Variants in ATP7B observed in about 807,000 individuals in gnomAD.
ATP7B encodes copper-transporting ATPase 2.
Under a neutral mutation model 118.9 loss-of-function variants are expected in ATP7B, and 113 were observed. That is an observed-to-expected ratio of 0.95 (90% CI 0.82 to 1.11). ATP7B has a LOEUF of 1.11. Among genes scored for constraint, ATP7B ranks in the 50% most tolerant of loss-of-function variants. The pLI is 0.00. For missense variants in ATP7B, 1,867 were observed against 1,871.4 expected, an observed-to-expected ratio of 1.00 and a Z score of 0.04; for synonymous variants, 777 against 727.4, an observed-to-expected ratio of 1.07 and a Z score of -1.10.
At chr13:51,996,667 C>T (rs1055739135) in intron 1 of ATP7B, among the ~76,000 whole-genome samples, 2 of 152,168 alleles carry the variant, frequency 1.3e-5, no homozygotes, top group Non-Finnish European at 2.9e-5. Context: ...GACGCTTCCT[C>T]CCCCATTAAC....
rs1956874443 is a variant in ATP7B, at chr13:51,935,013, G to C, written c.4141C>G (p.Leu1381Val). Reference sequence around the variant, plus strand: ...TGCGCCTGTGCCTCATACCTCTCCAGGTCAGGCTTCTTATAGCTGGAAAGC... The same window carrying C: ...TGCGCCTGTGCCTCATACCTCTCCACGTCAGGCTTCTTATAGCTGGAAAGC... ...LQLKCYKKPD[L>V]ERYEAQAHGH... Residue 1381 changes from leucine (L) to valine (V), a missense_variant, in exon 21 of 21, where the codon CTG (leucine) becomes GTG (valine). Physicochemically the swap from Leu to Val is conservative, Grantham distance 32 (BLOSUM62 1). Transcript: ENST00000242839. The C allele has an allele frequency of 6.2e-7, 1 of 1,614,008 alleles. No individual in the cohort carries two copies. The highest frequency in any genetic ancestry group is 8.5e-7 in the Non-Finnish European group (1 of 1,180,028).
intron 16 of ATP7B, 86 bp from the exon 17 acceptor site, chr13:51,939,279 A>G: frequency 6.3e-7 from 1 of 1,580,054 alleles, no homozygotes; most frequent in Non-Finnish European, 8.6e-7. Flanking sequence ...CTCATCATAT[A>G]ATATTATGTG....
intron 17 of ATP7B, among the ~76,000 whole-genome samples, chr13:51,938,356 C>T (rs61957447): frequency 0.043 from 6,489 of 152,340 alleles, 214 homozygotes; most frequent in South Asian, 0.11. Flanking sequence ...TGGCCCCACA[C>T]CTGCCTGTCA....
chr13:51,937,566 G>GTCATT lies in ATP7B; in HGVS notation c.3808_3812dup (p.Asp1271GlufsTer61), dbSNP rs1957045300. On this transcript the variant is annotated frameshift_variant, in exon 18 of 21. Coordinates refer to ENST00000242839, the MANE Select transcript of ATP7B (RefSeq NM_000053.4). LOFTEE classifies it high-confidence loss of function. ...TGTCTGCCTGGGCCAAGGCCGGGGAGTCATTGACCCCATCCCCCACCATGG... is the reference window on the plus strand; with the variant it reads ...TGTCTGCCTGGGCCAAGGCCGGGGAGTCATTTCATTGACCCCATCCCCCACCATGG... 6.2e-7 allele frequency: 1 copy of GTCATT among 1,614,146 alleles called. No homozygotes were observed. The highest frequency in any genetic ancestry group is 1.1e-5 in the South Asian group (1 of 91,092).
chr13:52,010,081 A>C (rs755902504), intron 1 of ATP7B, among the ~76,000 whole-genome samples: 3 of 152,154 alleles, frequency 2.0e-5, no homozygotes, highest in Non-Finnish European at 4.4e-5. Flanking sequence ...ATTTGGAAGG[A>C]TAATGATTTC....
Position 51,961,849 on chromosome 13 carries a change from A to G in ATP7B, c.1934T>C (p.Met645Thr). The G allele has an allele frequency of 6.2e-7, 1 of 1,613,818 alleles. No homozygotes were observed. The highest frequency in any genetic ancestry group is 8.5e-7 in the Non-Finnish European group (1 of 1,179,788). ...NPNAHHLDHK[M>T]EIKQWKKSFL... The stretch of plus-strand genomic sequence containing the variant: ...GTGTTCTACCTACTGCTTTATTTCC[A>G]TCTTGTGGTCCAAGTGATGAGCGTT... The change falls in exon 6 of 21, where the codon ATG becomes ACG. Residue 645 changes from methionine to threonine, a missense_variant. By Grantham distance (81) the Met-to-Thr change is moderately conservative. Transcript: ENST00000242839.
rs188125684 is a variant in ATP7B at position 51,948,897 on chromosome 13, C to A, written c.2865+765G>T. ...TTTAACTATTATAAAAAGCTATTCA[C>A]GCCTGGGTGCAGTGGCTCACACCTG... On this transcript the variant is annotated intron_variant, in intron 12 of 20. Coordinates refer to ENST00000242839, the MANE Select transcript of ATP7B (RefSeq NM_000053.4). Among the ~76,000 whole-genome samples the A allele has an allele frequency of 9.5e-4, 144 of 152,256 alleles. 2 individuals carry two copies. Among genetic ancestry groups the A allele is most frequent in the Admixed American group, 7.7e-3 (117 of 15,286 alleles).
chr13:52,008,697 G>A (rs539768578), intron 1 of ATP7B, among the ~76,000 whole-genome samples: 4 of 152,228 alleles, frequency 2.6e-5, no homozygotes, highest in South Asian at 2.1e-4. Context: ...CATGACTGCC[G>A]TAGGACTCTC....
In ATP7B at chr13:51,944,086, G is replaced by C. The variant is rs550871095; in HGVS notation, c.3243+23C>G. On this transcript the variant is annotated intron_variant, in intron 14 of 20. Coordinates refer to ENST00000242839, the MANE Select transcript of ATP7B (RefSeq NM_000053.4). ...TAAAAGAGCATTGGCGGGGAGGGCAGGGCCACGCCCAAGTCCACGTACCTC... is the reference window on the plus strand; with the variant it reads ...TAAAAGAGCATTGGCGGGGAGGGCACGGCCACGCCCAAGTCCACGTACCTC... The C allele has an allele frequency of 1.6e-5, 26 of 1,613,832 alleles. No individual in the cohort carries two copies. In the African/African-American group the frequency reaches 3.3e-4, roughly 21 times the overall value.
rs1957881909 is a variant in ATP7B at position 51,949,793 on chromosome 13, G to C, written c.2734C>G (p.Pro912Ala). ...LVEEAQMSKA[P>A]IQQLADRFSG... ...AACCGGTCAGCCAGCTGCTGAATGG[G>C]TGCCTATGAAAATAAAACACCAAGA... Residue 912 changes from proline (P) to alanine (A), a missense_variant, in exon 12 of 21, where the codon CCC becomes GCC. Coordinates refer to ENST00000242839, the MANE Select transcript of ATP7B (RefSeq NM_000053.4). The C allele has an allele frequency of 6.2e-7, 1 of 1,613,790 alleles. No individual in the cohort carries two copies. The highest frequency in any genetic ancestry group is 8.5e-7 in the Non-Finnish European group (1 of 1,180,038).
Position 52,011,307 on chromosome 13 carries a change from T to C in ATP7B, c.31A>G (p.Arg11Gly), listed in dbSNP as rs936715711. Residue 11 changes from arginine (R) to glycine (G), a missense_variant, in exon 1 of 21, where the codon AGA (arginine) becomes GGA (glycine). Coordinates refer to ENST00000242839, the MANE Select transcript of ATP7B (RefSeq NM_000053.4). Reference protein sequence around the residue: MPEQERQITAREGASRKILSK... With the variant: MPEQERQITAGEGASRKILSK... ...CTCACTTTCCGACTGGCCCCTTCTCTGGCTGTGATCTGTCTCTCCTGCTCA... is the reference window on the plus strand; with the variant it reads ...CTCACTTTCCGACTGGCCCCTTCTCCGGCTGTGATCTGTCTCTCCTGCTCA... The C allele has an allele frequency of 6.2e-7, 1 of 1,614,216 alleles. No homozygotes were observed. The highest frequency in any genetic ancestry group is 1.1e-5 in the South Asian group (1 of 91,084).
chr13:51,974,665 G>C lies in ATP7B; in HGVS notation c.555C>G (p.Ile185Met), dbSNP rs1269310289. 2 of 1,611,174 alleles carry C rather than the reference G, an allele frequency of 1.2e-6. No homozygotes were observed. Among genetic ancestry groups the C allele is most frequent in the Non-Finnish European group, 8.5e-7 (1 of 1,177,682 alleles). ...GCTGAATGAGATAAGGCTGATAAGT[G>C]ATGACGGCCTCTTGGTTGCTGAGTG... ...KVSLSNQEAV[I>M]TYQPYLIQPE... The change falls in exon 2 of 21, where the codon ATC (isoleucine) becomes ATG (methionine). Residue 185 changes from isoleucine to methionine, a missense_variant. Physicochemically the swap from Ile to Met is conservative, Grantham distance 10. Transcript: ENST00000242839.
Position 51,934,640 on chromosome 13 carries a change from G to A in ATP7B, c.*116C>T. 2 of 1,495,020 alleles carry A rather than the reference G, an allele frequency of 1.3e-6. No individual in the cohort carries two copies. The allele number at this position is 1,495,020 out of a possible 1,614,324, so 92.6% of individuals were successfully genotyped here. A position where few individuals can be genotyped will look rare whatever the true frequency, so the allele number is the denominator to read the frequency against. On this transcript the variant is annotated 3_prime_UTR_variant, in exon 21 of 21. Transcript: ENST00000242839. ...AGGGCAGGATGACTGGACATATCCA[G>A]GGAGCGGAAGTCCCCAAAGCTGGAG...
Position 51,974,525 on chromosome 13 carries a change from G to A in ATP7B, c.695C>T (p.Pro232Leu), listed in dbSNP as rs777932681. 1.2e-5 allele frequency: 19 copies of A among 1,614,044 alleles called. No homozygotes were observed. In the East Asian group the frequency reaches 4.0e-4, roughly 34 times the overall value. ...IDIERLQSTN[P>L]KRPLSSANQN... is the part of the protein sequence containing the mutation. ...GTTAGCAGAAGATAAAGGTCTCTTT[G>A]GGTTAGTGCTTTGTAACCGCTCAAT... Residue 232 changes from proline to leucine, a missense_variant, in exon 2 of 21, where the codon CCA (proline) becomes CTA (leucine). Transcript: ENST00000242839.
intron 15 of ATP7B, among the ~76,000 whole-genome samples, chr13:51,942,103 T>C (rs186012830): frequency 7.6e-4 from 116 of 152,318 alleles, no homozygotes; most frequent in Non-Finnish European, 1.3e-4. Context: ...GTCTACTCTG[T>C]AGCTTATGAG....
At chr13:51,947,783 T>C (rs1440973978) in intron 12 of ATP7B, 2 of 152,242 alleles carry the variant, frequency 1.3e-5, no homozygotes, top group Non-Finnish European at 2.9e-5. Context: ...GAAGTTACCA[T>C]GAGCCCTTCT....
intron 1 of ATP7B, among the ~76,000 whole-genome samples, chr13:51,994,117 C>T (rs4943053): frequency 0.019 from 2,904 of 152,218 alleles, 83 homozygotes; most frequent in Admixed American, 0.083. Flanking sequence ...AAACACATGG[C>T]TAAAAGTATA....
rs201061621 is a variant in ATP7B, at chr13:51,946,423, G to A, written c.2921C>T (p.Thr974Met). 3.7e-4 allele frequency: 599 copies of A among 1,614,092 alleles called. No individual in the cohort carries two copies. The highest frequency in any genetic ancestry group is 4.6e-4 in the Non-Finnish European group (548 of 1,180,054). ...TEVIIRFAFQ[T>M]SITVLCIACP... The stretch of plus-strand genomic sequence containing the variant: ...GGCAATGCACAGCACCGTGATGGAC[G>A]TCTGGAAAGCAAACCGGATGATCAC... Residue 974 changes from threonine to methionine, a missense_variant, in exon 13 of 21, where the codon ACG (threonine) becomes ATG (methionine). Physicochemically the swap from Thr to Met is moderately conservative, Grantham distance 81. Coordinates refer to ENST00000242839, the MANE Select transcript of ATP7B (RefSeq NM_000053.4).
Position 51,939,154 on chromosome 13 carries a change from T to C in ATP7B, c.3596A>G (p.Lys1199Arg). The part of the protein sequence containing the change: ...CGMIAIADAV[K>R]QEAALAVHTL... ...GTGCACAGCCAGGGCAGCCTCCTGCTTGACAGCGTCTGCGATTGCGATCAT... is the reference window on the plus strand; with the variant it reads ...GTGCACAGCCAGGGCAGCCTCCTGCCTGACAGCGTCTGCGATTGCGATCAT... The change falls in exon 17 of 21, where the codon AAG becomes AGG. Residue 1199 changes from lysine (K) to arginine (R), a missense_variant. Lys to Arg is a conservative substitution (Grantham distance 26, BLOSUM62 2). Coordinates refer to ENST00000242839, the MANE Select transcript of ATP7B (RefSeq NM_000053.4). 1 of 1,614,146 alleles carries C rather than the reference T, an allele frequency of 6.2e-7. No individual in the cohort carries two copies.
Sources: allele counts gnomAD v4.1 joint callset (sites outside exome capture counted in the v4.1 genomes callset), GRCh38; gene constraint gnomAD v4.1.1; transcripts MANE v1.5; gene names NCBI Gene and HGNC (gene_info 2026-07-23, HGNC 2026-07-21).